EFNA5: variants seen among roughly 807,000 people sequenced by gnomAD.
The protein encoded by EFNA5 is ephrin-A5.
A neutral mutation model predicts 22.9 loss-of-function variants in EFNA5; 5 were observed. The observed-to-expected ratio is 0.22, with a 90% confidence interval of 0.11 to 0.46. The LOEUF (loss-of-function observed/expected upper bound fraction) is 0.46, where lower values mean the gene tolerates loss of function less well. Ranked by LOEUF, EFNA5 falls within the 20% of genes least tolerant of loss-of-function variation. EFNA5 has a pLI of 0.99. For synonymous variants in EFNA5, 113 were observed against 112.2 expected, an observed-to-expected ratio of 1.01 and a Z score of -0.04; for missense variants, 237 against 293.3, an observed-to-expected ratio of 0.81 and a Z score of 1.40.
At chr5:107,648,232 AT>A in intron 1 of EFNA5, among the ~76,000 whole-genome samples, 1 of 152,258 alleles carries the variant, frequency 6.6e-6, no homozygotes, top group African/African-American at 2.4e-5. Context: ...TTACTATGAC[AT>A]TATTTATATA....
chr5:107,650,225 C>T (rs562122537), intron 1 of EFNA5, among the ~76,000 whole-genome samples: 1 of 152,236 alleles, frequency 6.6e-6, no homozygotes, highest in South Asian at 2.1e-4. Context: ...TTTGCAGACA[C>T]GCAATTCAAC....
intron 1 of EFNA5, among the ~76,000 whole-genome samples, chr5:107,642,730 G>T (rs1750553715): frequency 6.6e-6 from 1 of 152,122 alleles, no homozygotes; most frequent in South Asian, 2.1e-4. Flanking sequence ...AAAATGGAGA[G>T]AAAGAAAGAA....
At chr5:107,552,843 C>A (rs927910079) in intron 1 of EFNA5, among the ~76,000 whole-genome samples, 1 of 152,156 alleles carries the variant, frequency 6.6e-6, no homozygotes, top group Non-Finnish European at 1.5e-5. Context: ...TGTAATAGAA[C>A]AGGATTTCTG....
chr5:107,517,982 C>A (rs1413120114), intron 1 of EFNA5, among the ~76,000 whole-genome samples: 1 of 152,058 alleles, frequency 6.6e-6, no homozygotes, highest in South Asian at 2.1e-4. Flanking sequence ...GGGATCCAAA[C>A]TATATATGCA....
chr5:107,454,959 C>T (rs1219612469), intron 1 of EFNA5, among the ~76,000 whole-genome samples: 2 of 152,098 alleles, frequency 1.3e-5, no homozygotes, highest in East Asian at 1.9e-4. Flanking sequence ...AGCTCCATTC[C>T]ATGAACAGAG....
At chr5:107,411,220 T>G (rs1342568009) in intron 2 of EFNA5, among the ~76,000 whole-genome samples, 2 of 152,370 alleles carry the variant, frequency 1.3e-5, no homozygotes, top group South Asian at 4.1e-4. Flanking sequence ...TTTGAACTAT[T>G]CCACATATTC....
intron 1 of EFNA5, among the ~76,000 whole-genome samples, chr5:107,568,900 T>C (rs1314819789): frequency 6.6e-6 from 1 of 152,186 alleles, no homozygotes; most frequent in East Asian, 1.9e-4. Context: ...AGAAATGGTG[T>C]ATCTATAATA....
chr5:107,450,183 G>A (rs1749523138), intron 1 of EFNA5, among the ~76,000 whole-genome samples: 1 of 152,178 alleles, frequency 6.6e-6, no homozygotes, highest in African/African-American at 2.4e-5. Flanking sequence ...AACGGGATAT[G>A]CCACACAAAA....
intron 1 of EFNA5, among the ~76,000 whole-genome samples, chr5:107,496,164 T>TAAAAAAAAA (rs35565454): frequency 4.3e-4 from 40 of 93,130 alleles, no homozygotes; most frequent in African/African-American, 5.2e-4. Flanking sequence ...CTGTCTCTGC[T>TAAAAAAAAA]AAAAAAAAAA....
intron 1 of EFNA5, among the ~76,000 whole-genome samples, chr5:107,444,146 C>G (rs1255857248): frequency 2.6e-5 from 4 of 152,176 alleles, no homozygotes; most frequent in Admixed American, 1.3e-4. Context: ...CCGCAATGCT[C>G]AATATACTTG....
At position 107,380,780 on chromosome 5, in the gene EFNA5, G is replaced by GCGAT; in HGVS notation, c.*471_*474dup. 2.5e-6 allele frequency: 1 copy of GCGAT among 399,926 alleles called. No individual in the cohort carries two copies. The highest frequency in any genetic ancestry group is 4.3e-5 in the Admixed American group (1 of 23,064). The allele number at this position is 399,926 out of a possible 1,614,324, so 24.8% of individuals were successfully genotyped here. On this transcript the variant is annotated 3_prime_UTR_variant, in exon 5 of 5. Transcript: ENST00000333274. The stretch of plus-strand genomic sequence containing the variant: ...CTGACATGGTGACATGATGCCCTGC[G>GCGAT]CGATCATCTTACAGTTCTGAATGAG...
intron 1 of EFNA5, among the ~76,000 whole-genome samples, chr5:107,597,395 A>G (rs755434471): frequency 2.6e-5 from 4 of 152,166 alleles, no homozygotes; most frequent in Non-Finnish European, 4.4e-5. Flanking sequence ...AAATGGATTC[A>G]TCTTCCGCAA....
chr5:107,670,719 T>G lies in EFNA5; in HGVS notation c.-106A>C. The G allele has an allele frequency of 7.0e-7, 1 of 1,431,572 alleles. No homozygotes were observed. The highest frequency in any genetic ancestry group is 9.3e-7 in the Non-Finnish European group (1 of 1,071,672). The allele number at this position is 1,431,572 out of a possible 1,614,324, so 88.7% of individuals were successfully genotyped here. A position where few individuals can be genotyped will look rare whatever the true frequency, so the allele number is the denominator to read the frequency against. Reference sequence around the variant, plus strand: ...GGACAGAGAGAGAGCGGGCGCCAAATAAATATGAATAAATAAAAATGAAAG... The same window carrying G: ...GGACAGAGAGAGAGCGGGCGCCAAAGAAATATGAATAAATAAAAATGAAAG... On this transcript the variant is annotated 5_prime_UTR_variant, in exon 1 of 5. Coordinates refer to ENST00000333274, the MANE Select transcript of EFNA5 (RefSeq NM_001962.3).
At chr5:107,441,469 T>C (rs1433875783) in intron 1 of EFNA5, among the ~76,000 whole-genome samples, 2 of 152,200 alleles carry the variant, frequency 1.3e-5, no homozygotes, top group Admixed American at 6.6e-5. Context: ...GAAGCTGTGC[T>C]GGAATTGCAT....
chr5:107,652,385 A>T (rs996892178), intron 1 of EFNA5, among the ~76,000 whole-genome samples: 9 of 152,158 alleles, frequency 5.9e-5, no homozygotes, highest in Non-Finnish European at 1.3e-4. Flanking sequence ...AGTTTCTGAT[A>T]CCCCTGAACA....
chr5:107,487,696 C>G (rs1367513964), intron 1 of EFNA5, among the ~76,000 whole-genome samples: 12 of 152,282 alleles, frequency 7.9e-5, no homozygotes, highest in Non-Finnish European at 8.8e-5. Flanking sequence ...TTGTTCAGCC[C>G]TGTAGCACCT....
At chr5:107,473,078 AC>A (rs887499847) in intron 1 of EFNA5, among the ~76,000 whole-genome samples, 1 of 152,024 alleles carries the variant, frequency 6.6e-6, no homozygotes, top group African/African-American at 2.4e-5. Flanking sequence ...GACCCCAGCC[AC>A]CGTTTTTCTG....
chr5:107,402,386 A>G (rs1370779092), intron 2 of EFNA5, among the ~76,000 whole-genome samples: 1 of 152,214 alleles, frequency 6.6e-6, no homozygotes, highest in African/African-American at 2.4e-5. Context: ...GGTAAATATG[A>G]TTAGTAATTA....
chr5:107,473,262 A>AT (rs35926074), intron 1 of EFNA5, among the ~76,000 whole-genome samples: 2,767 of 135,156 alleles, frequency 0.02, 55 homozygotes, highest in Non-Finnish European at 0.032. Context: ...TCCAGGTCTG[A>AT]TTTTTTTTTT....
Sources: gnomAD v4.1 joint callset for allele counts (sites outside exome capture counted in the v4.1 genomes callset) on GRCh38, gnomAD v4.1.1 for gene constraint, MANE v1.5 for transcripts, NCBI Gene and HGNC (gene_info 2026-07-23, HGNC 2026-07-21) for gene names.